TMC1: variants seen among roughly 807,000 people sequenced by gnomAD.
The protein encoded by TMC1 is transmembrane channel like 1.
A neutral mutation model predicts 105.8 loss-of-function variants in TMC1; 84 were observed. That is an observed-to-expected ratio of 0.79 (90% CI 0.67 to 0.95). TMC1 has a LOEUF of 0.95. TMC1 is among the 40% of genes least tolerant of loss of function. TMC1 has a pLI of 0.00. For synonymous variants in TMC1, 315 were observed against 311.5 expected (o/e 1.01, Z -0.12); for missense variants, 817 against 914.1 (o/e 0.89, Z 1.37).
chr9:72,666,281 G>T (rs1351946964), intron 5 of TMC1, among the ~76,000 whole-genome samples: 1 of 151,488 alleles, frequency 6.6e-6, no homozygotes, highest in African/African-American at 2.4e-5. Flanking sequence ...AGGAAGGAAA[G>T]GGAAGAAAAA....
intron 8 of TMC1, among the ~76,000 whole-genome samples, chr9:72,704,263 T>G (rs1036933893): frequency 1.1e-4 from 16 of 151,456 alleles, no homozygotes; most frequent in African/African-American, 3.9e-4. Context: ...AAGAGATGTT[T>G]TGATCACAGC....
intron 4 of TMC1, among the ~76,000 whole-genome samples, chr9:72,629,823 C>T (rs1467207238): frequency 6.6e-6 from 1 of 152,008 alleles, no homozygotes; most frequent in Non-Finnish European, 1.5e-5. Context: ...AAAATTGTCT[C>T]AATATGATAG....
At chr9:72,820,649 G>A (rs1299767948) in intron 19 of TMC1, among the ~76,000 whole-genome samples, 193 bp from the exon 20 acceptor site, 1 of 152,194 alleles carries the variant, frequency 6.6e-6, no homozygotes, top group Non-Finnish European at 1.5e-5. Flanking sequence ...CAATAATGGG[G>A]AAAGTGGCAA....
At chr9:72,635,084 C>T (rs1165760171) in intron 4 of TMC1, among the ~76,000 whole-genome samples, 1 of 151,886 alleles carries the variant, frequency 6.6e-6, no homozygotes, top group African/African-American at 2.4e-5. Flanking sequence ...TGGCGAAACC[C>T]CGTCTTTACT....
At chr9:72,738,684 C>T (rs1827340183) in intron 8 of TMC1, among the ~76,000 whole-genome samples, 1 of 152,080 alleles carries the variant, frequency 6.6e-6, no homozygotes, top group African/African-American at 2.4e-5. Context: ...TCCCAAAGTG[C>T]TGGGATTACA....
chr9:72,836,220 C>CTT lies in TMC1; in HGVS notation c.*261_*262dup, dbSNP rs71495343. The CTT allele has an allele frequency of 3.8e-3, 1,640 of 437,030 alleles. 1 individual carries two copies. The highest frequency in any genetic ancestry group is 7.9e-3 in the Middle Eastern group (16 of 2,026). 27.1% of individuals were successfully genotyped at this position (437,030 alleles called of 1,614,324 possible). On this transcript the variant is annotated 3_prime_UTR_variant, in exon 24 of 24. Coordinates refer to ENST00000297784, the MANE Select transcript of TMC1 (RefSeq NM_138691.3). Reference sequence around the variant, plus strand: ...CTCTCTCCCCTGCTCCATTTCGTGACTTTTTTTTTTTTTTTAACAAATTGA... The same window carrying CTT: ...CTCTCTCCCCTGCTCCATTTCGTGACTTTTTTTTTTTTTTTTTAACAAATTGA...
At chr9:72,669,455 G>C (rs1826094863) in intron 5 of TMC1, among the ~76,000 whole-genome samples, 1 of 152,094 alleles carries the variant, frequency 6.6e-6, no homozygotes, top group Non-Finnish European at 1.5e-5. Context: ...TATTTTTGCA[G>C]AAGACATTTA....
chr9:72,683,209 G>C (rs1435018304), intron 5 of TMC1, among the ~76,000 whole-genome samples: 2 of 152,006 alleles, frequency 1.3e-5, no homozygotes, highest in Non-Finnish European at 2.9e-5. Flanking sequence ...GCTCATTGTT[G>C]GGCAATTCTT....
At chr9:72,588,043 C>A (rs1824581726) in intron 2 of TMC1, among the ~76,000 whole-genome samples, 1 of 151,908 alleles carries the variant, frequency 6.6e-6, no homozygotes, top group Non-Finnish European at 1.5e-5. Context: ...TCCTCCTCAG[C>A]CTTCCAAAGT....
chr9:72,820,170 A>G (rs545761562), intron 19 of TMC1, among the ~76,000 whole-genome samples: 1 of 152,382 alleles, frequency 6.6e-6, no homozygotes, highest in South Asian at 2.1e-4. Flanking sequence ...TAAATTTTCA[A>G]TAAAACCCTA....
intron 3 of TMC1, among the ~76,000 whole-genome samples, chr9:72,619,133 T>C (rs1407077586): frequency 2.0e-5 from 3 of 152,150 alleles, no homozygotes; most frequent in African/African-American, 7.2e-5. Flanking sequence ...TGAAAGACTA[T>C]AGTAATTGTA....
intron 2 of TMC1, among the ~76,000 whole-genome samples, chr9:72,599,876 T>C (rs1189658578): frequency 6.6e-6 from 1 of 151,928 alleles, no homozygotes; most frequent in African/African-American, 2.4e-5. Flanking sequence ...TCAGTAAAAG[T>C]TAAGCAAAAG....
intron 1 of TMC1, among the ~76,000 whole-genome samples, chr9:72,558,184 C>T (rs1385079529): frequency 6.6e-6 from 1 of 152,082 alleles, no homozygotes; most frequent in African/African-American, 2.4e-5. Context: ...CTCTCTCTCT[C>T]TTTCTGTCTC....
intron 8 of TMC1, among the ~76,000 whole-genome samples, chr9:72,706,987 C>G (rs1826753180): frequency 6.6e-6 from 1 of 152,158 alleles, no homozygotes; most frequent in South Asian, 2.1e-4. Flanking sequence ...GTTGGCCAGG[C>G]TGGTCTTGAA....
intron 18 of TMC1, among the ~76,000 whole-genome samples, chr9:72,807,846 G>T (rs1317857825): frequency 6.6e-6 from 1 of 152,154 alleles, no homozygotes; most frequent in Non-Finnish European, 1.5e-5. Flanking sequence ...ATTCTGGCAG[G>T]GGCGGCTTCT....
At chr9:72,659,280 A>C (rs1327967765) in intron 5 of TMC1, among the ~76,000 whole-genome samples, 1 of 152,158 alleles carries the variant, frequency 6.6e-6, no homozygotes, top group Non-Finnish European at 1.5e-5. Flanking sequence ...CAAGAAAGCT[A>C]CAGGATCTTC....
intron 13 of TMC1, among the ~76,000 whole-genome samples, chr9:72,775,759 G>C (rs1827995900): frequency 6.6e-6 from 1 of 152,134 alleles, no homozygotes; most frequent in Non-Finnish European, 1.5e-5. Flanking sequence ...AAGAAGCATG[G>C]AGTCAGCTTC....
At chr9:72,704,795 C>A (rs1393755714) in intron 8 of TMC1, among the ~76,000 whole-genome samples, 6 of 151,976 alleles carry the variant, frequency 3.9e-5, no homozygotes, top group African/African-American at 1.2e-4. Flanking sequence ...TGGCCCAGAC[C>A]AGAAATGTAT....
intron 12 of TMC1, among the ~76,000 whole-genome samples, chr9:72,764,956 C>T (rs772147622): frequency 3.3e-5 from 5 of 152,200 alleles, no homozygotes; most frequent in South Asian, 4.2e-4. Context: ...GTTCAGTGTC[C>T]GGGTTAACTG....
Sources: gnomAD v4.1 joint callset for allele counts (sites outside exome capture counted in the v4.1 genomes callset) on GRCh38, gnomAD v4.1.1 for gene constraint, MANE v1.5 for transcripts, NCBI Gene and HGNC (gene_info 2026-07-23, HGNC 2026-07-21) for gene names.